IL4I1: variants seen among roughly 807,000 people sequenced by gnomAD.
IL4I1 encodes the protein interleukin 4 induced 1.
A neutral mutation model predicts 29.7 loss-of-function variants in IL4I1; 24 were observed. That is an observed-to-expected ratio of 0.81 (90% CI 0.59 to 1.14). The LOEUF is 1.14. Ranked by LOEUF, IL4I1 falls within the 50% of genes most tolerant of loss-of-function variation. The pLI is 0.00. For missense variants in IL4I1, 686 were observed against 785.6 expected (o/e 0.87, Z 1.52); for synonymous variants, 371 against 352.5 (o/e 1.05, Z -0.59).
chr19:49,896,011 A>G lies in IL4I1; in HGVS notation c.56T>C (p.Val19Ala). 6.2e-7 allele frequency: 1 copy of G among 1,614,170 alleles called. No homozygotes were observed. Among genetic ancestry groups the G allele is most frequent in the Non-Finnish European group, 8.5e-7 (1 of 1,180,020 alleles). The change falls in exon 3 of 8, where the codon GTG (valine) becomes GCG (alanine). Residue 19 changes from valine (V) to alanine (A), a missense_variant. Val to Ala is a moderately conservative substitution (Grantham distance 64, BLOSUM62 0). Coordinates refer to ENST00000391826, the MANE Select transcript of IL4I1 (RefSeq NM_152899.2). ...TTCAGCCTTCCAGTCCTGGGAGGCC[A>G]CCAGGCTGAGGAGGATGGGGACGAG... ...LVLVPILLSL[V>A]ASQDWKAERS...
At chr19:49,913,868 C>G (rs1208565611) in intron 2 of IL4I1, among the ~76,000 whole-genome samples, 2 of 152,104 alleles carry the variant, frequency 1.3e-5, no homozygotes, top group African/African-American at 2.4e-5. Context: ...ATTGAGGGAG[C>G]CACAGGCGGA....
intron 1 of IL4I1, 51 bp from the exon 2 acceptor site, chr19:49,896,233 G>T (rs1399311011): frequency 6.8e-7 from 1 of 1,469,960 alleles, no homozygotes; most frequent in Non-Finnish European, 9.0e-7. Flanking sequence ...TGTGACCACT[G>T]TAGCCTGACT....
At chr19:49,904,932 G>A (rs1193091652) in intron 2 of IL4I1, among the ~76,000 whole-genome samples, 3 of 152,120 alleles carry the variant, frequency 2.0e-5, no homozygotes, top group South Asian at 2.1e-4. Context: ...GGATGGTCTC[G>A]ATCTCCTAAC....
chr19:49,925,701 A>G (rs2075870395), intron 2 of IL4I1, among the ~76,000 whole-genome samples: 1 of 152,194 alleles, frequency 6.6e-6, no homozygotes, highest in Admixed American at 6.5e-5. Flanking sequence ...TTAAGTAACA[A>G]CTACCAAAAT....
chr19:49,912,698 T>C (rs1439634814), intron 2 of IL4I1, among the ~76,000 whole-genome samples: 1 of 152,036 alleles, frequency 6.6e-6, no homozygotes, highest in African/African-American at 2.4e-5. Flanking sequence ...ATGCTGTCTC[T>C]ACACAAAAAA....
chr19:49,910,131 C>T (rs532365219), intron 2 of IL4I1, among the ~76,000 whole-genome samples: 48 of 152,252 alleles, frequency 3.2e-4, no homozygotes, highest in Non-Finnish European at 6.0e-4. Context: ...AGCTCCCACT[C>T]TGTGGAGGAC....
intron 2 of IL4I1, among the ~76,000 whole-genome samples, chr19:49,916,678 G>T (rs1195572983): frequency 6.6e-6 from 1 of 151,644 alleles, no homozygotes; most frequent in Admixed American, 6.6e-5. Flanking sequence ...GCAGGAGAAT[G>T]GCATCAACCC....
chr19:49,901,213 C>T (rs1314520888), upstream of IL4I1, among the ~76,000 whole-genome samples: 1 of 152,068 alleles, frequency 6.6e-6, no homozygotes, highest in Non-Finnish European at 1.5e-5. Flanking sequence ...GAAACCCTGT[C>T]TCTACTAAAA....
chr19:49,896,784 A>G, intron 1 of IL4I1, 51 bp downstream of exon 1: 2 of 967,618 alleles, frequency 2.1e-6, no homozygotes, highest in African/African-American at 1.8e-5. Flanking sequence ...CTCAGTCCCT[A>G]TTTCTGTGGG....
chr19:49,924,666 A>C (rs925451686), intron 2 of IL4I1, among the ~76,000 whole-genome samples: 6 of 152,210 alleles, frequency 3.9e-5, no homozygotes, highest in Admixed American at 2.0e-4. Context: ...GAATGTGCAC[A>C]CGAGGGGACT....
intron 7 of IL4I1, 34 bp from the exon 8 acceptor site, chr19:49,890,634 C>A (rs1403019252): frequency 2.1e-6 from 3 of 1,460,758 alleles, no homozygotes; most frequent in Non-Finnish European, 2.7e-6. Flanking sequence ...GGGGGCGTGA[C>A]CTGGGCTCTG....
chr19:49,908,967 TGGTGGCGGTGGC>T lies in IL4I1; in HGVS notation c.-227-4658_-227-4647del, dbSNP rs762665664. 4.9e-5 allele frequency: 78 copies of T among 1,607,490 alleles called. No homozygotes were observed. The highest frequency in any genetic ancestry group is 8.1e-5 in the African/African-American group (6 of 74,436). ...CCGGTGGTGCTGCTGCTGCTGGTGG[TGGTGGCGGTGGC>T]GGTGGCAGCGGTGGATGTTGTTGTG... is the stretch of plus-strand genomic sequence containing the variant. On this transcript the variant is annotated intron_variant, in intron 2 of 9. Coordinates refer to the IL4I1 transcript ENST00000341114.
intron 1 of IL4I1, among the ~76,000 whole-genome samples, 182 bp downstream of exon 1, chr19:49,896,653 C>T (rs1193122835): frequency 6.6e-6 from 1 of 152,042 alleles, no homozygotes; most frequent in African/African-American, 2.4e-5. Context: ...AGGCTGGTCT[C>T]GAACTCCTGA....
intron 5 of IL4I1, among the ~76,000 whole-genome samples, 153 bp from the exon 6 acceptor site, chr19:49,891,626 C>T (rs1275318710): frequency 6.6e-6 from 1 of 152,234 alleles, no homozygotes; most frequent in Non-Finnish European, 1.5e-5. Flanking sequence ...ACACCATGCC[C>T]TCCGCCTTGC....
chr19:49,913,591 G>A (rs370772054), intron 2 of IL4I1, among the ~76,000 whole-genome samples: 1 of 152,226 alleles, frequency 6.6e-6, no homozygotes, highest in Non-Finnish European at 1.5e-5. Flanking sequence ...AGCACTGTCC[G>A]CGGGACTCTC....
At position 49,890,157 on chromosome 19, in the gene IL4I1, G is replaced by A. The variant is rs1367519498; in HGVS notation, c.1217C>T (p.Ala406Val). 5 of 1,541,310 alleles carry A rather than the reference G, an allele frequency of 3.2e-6. No homozygotes were observed. Among genetic ancestry groups the A allele is most frequent in the Admixed American group, 3.9e-5 (2 of 50,834 alleles). Residue 406 changes from alanine (A) to valine (V), a missense_variant, in exon 8 of 8, where the codon GCG becomes GTG. Coordinates refer to ENST00000391826, the MANE Select transcript of IL4I1 (RefSeq NM_152899.2). ...ASYTWSDAAA[A>V]FAGLSREEAL... is the part of the protein sequence containing the mutation. Reference sequence around the variant, plus strand: ...CTCTTCCCGGCTCAAGCCGGCGAACGCTGCCGCCGCGTCCGACCACGTGTA... The same window carrying A: ...CTCTTCCCGGCTCAAGCCGGCGAACACTGCCGCCGCGTCCGACCACGTGTA...
In IL4I1 at chr19:49,890,070, C is replaced by T. The variant is rs922207875; in HGVS notation, c.1304G>A (p.Trp435Ter). The change falls in exon 8 of 8, where the codon TGG becomes TAG. Residue 435 changes from tryptophan (W) to a stop codon, truncating the protein, a stop_gained. Transcript: ENST00000391826. LOFTEE classifies it low-confidence loss of function (END_TRUNC). The stretch of plus-strand genomic sequence containing the variant: ...ACGCTTGACGACGCCGGTGCCGTCC[C>T]AGAGCTGGCGCACGACAGGCCCGTG... ...ALHGPVVRQL[W>*]DGTGVVKRWA... is the part of the protein sequence containing the mutation. 1.9e-6 allele frequency: 3 copies of T among 1,549,018 alleles called. No homozygotes were observed. Among genetic ancestry groups the T allele is most frequent in the Non-Finnish European group, 2.6e-6 (3 of 1,147,038 alleles).
chr19:49,928,072 A>G (rs762827526), intron 1 of IL4I1: 1 of 152,330 alleles, frequency 6.6e-6, no homozygotes, highest in Non-Finnish European at 1.5e-5. Flanking sequence ...GGCACCCATC[A>G]TTTGGAATGG....
At chr19:49,902,918 C>T (rs749550832) in intron 3 of IL4I1, among the ~76,000 whole-genome samples, 1 of 151,770 alleles carries the variant, frequency 6.6e-6, no homozygotes, top group African/African-American at 2.4e-5. Context: ...AGATCAAGAC[C>T]ATCCTGGCCA....
Sources: gnomAD v4.1 joint callset for allele counts (sites outside exome capture counted in the v4.1 genomes callset) on GRCh38, gnomAD v4.1.1 for gene constraint, MANE v1.5 for transcripts, NCBI Gene and HGNC (gene_info 2026-07-23, HGNC 2026-07-21) for gene names.